The following RUNDC3B variants were observed in gnomAD, a reference collection of about 807,000 sequenced individuals.
RUNDC3B encodes RUN domain-containing protein 3B.
Under a neutral mutation model 58.4 loss-of-function variants are expected in RUNDC3B, and 33 were observed. The ratio of observed to expected loss-of-function variants is 0.56; its 90% CI spans 0.43 to 0.75. RUNDC3B has a LOEUF of 0.75. Among genes scored for constraint, RUNDC3B ranks in the 30% least tolerant of loss-of-function variants. The pLI, the probability that RUNDC3B is intolerant of heterozygous loss-of-function variation, is 0.00. For missense variants in RUNDC3B, 501 were observed against 535.7 expected (o/e 0.94, Z 0.64); for synonymous variants, 193 against 195.2 (o/e 0.99, Z 0.10).
chr7:87,727,941 AAAG>A (rs1831339984), intron 4 of RUNDC3B, among the ~76,000 whole-genome samples: 1 of 152,280 alleles, frequency 6.6e-6, no homozygotes, highest in African/African-American at 2.4e-5. Context: ...TTTTTATATA[AAAG>A]AAGAGGAAAT....
intron 2 of RUNDC3B, among the ~76,000 whole-genome samples, chr7:87,677,566 A>G (rs1585075750): frequency 1.3e-5 from 2 of 152,160 alleles, no homozygotes; most frequent in Non-Finnish European, 2.9e-5. Context: ...ACAAGCCTTC[A>G]GTTATAAGAT....
chr7:87,659,124 T>C (rs1390377006), intron 2 of RUNDC3B: 5 of 324,320 alleles, frequency 1.5e-5, no homozygotes, highest in Non-Finnish European at 2.4e-5. Flanking sequence ...ATCATGCCAC[T>C]GCAATCTAGC....
At chr7:87,656,255 A>C (rs1372266620) in intron 2 of RUNDC3B, among the ~76,000 whole-genome samples, 3 of 152,142 alleles carry the variant, frequency 2.0e-5, no homozygotes, top group African/African-American at 7.2e-5. Flanking sequence ...TGTCAATTTA[A>C]AAATTTTTAA....
At chr7:87,634,587 A>G (rs1284851638) in intron 1 of RUNDC3B, among the ~76,000 whole-genome samples, 1 of 151,412 alleles carries the variant, frequency 6.6e-6, no homozygotes, top group African/African-American at 2.4e-5. Flanking sequence ...GAGATTCACT[A>G]CTTCACCCCA....
At chr7:87,634,497 G>A (rs560444146) in intron 1 of RUNDC3B, among the ~76,000 whole-genome samples, 10 of 130,560 alleles carry the variant, frequency 7.7e-5, no homozygotes, top group African/African-American at 1.7e-4. Flanking sequence ...TGGGGGGTGG[G>A]GGGGGGGGCA....
chr7:87,709,241 T>C (rs1039440598), intron 3 of RUNDC3B: 59 of 984,486 alleles, frequency 6.0e-5, no homozygotes, highest in Non-Finnish European at 2.7e-5. Flanking sequence ...AGTAACAGCA[T>C]AGTCTCCTGT....
chr7:87,686,336 A>C (rs1474615707), intron 2 of RUNDC3B, among the ~76,000 whole-genome samples: 4 of 152,228 alleles, frequency 2.6e-5, no homozygotes, highest in Non-Finnish European at 5.9e-5. Context: ...AATGTCATCA[A>C]GTCATAATAG....
intron 6 of RUNDC3B, among the ~76,000 whole-genome samples, chr7:87,759,775 CAG>C (rs1207893994): frequency 1.3e-5 from 2 of 148,890 alleles, no homozygotes; most frequent in African/African-American, 2.5e-5. Flanking sequence ...GCCTGGGAAA[CAG>C]AGTGAGATCC....
intron 1 of RUNDC3B, among the ~76,000 whole-genome samples, chr7:87,638,668 T>G (rs1484117592): frequency 3.9e-5 from 6 of 152,086 alleles, no homozygotes; most frequent in Non-Finnish European, 8.8e-5. Context: ...TTTTATTGTT[T>G]GAAAGATCTG....
intron 1 of RUNDC3B, among the ~76,000 whole-genome samples, chr7:87,641,227 G>T (rs1822421586): frequency 6.6e-6 from 1 of 152,138 alleles, no homozygotes; most frequent in Non-Finnish European, 1.5e-5. Flanking sequence ...AGTAGAAATA[G>T]ACCACAGTGG....
intron 1 of RUNDC3B, among the ~76,000 whole-genome samples, chr7:87,641,872 G>A (rs1359546367): frequency 6.6e-6 from 1 of 152,000 alleles, no homozygotes. Flanking sequence ...ATTAGATTTT[G>A]TGATTTTTAA....
intron 2 of RUNDC3B, among the ~76,000 whole-genome samples, chr7:87,654,345 T>C (rs975389284): frequency 1.3e-5 from 2 of 151,898 alleles, no homozygotes; most frequent in Non-Finnish European, 2.9e-5. Context: ...TGCAAAGCTA[T>C]ATTAGTTAAA....
At chr7:87,812,996 G>GA (rs1427975401) in intron 9 of RUNDC3B, among the ~76,000 whole-genome samples, 1 of 152,144 alleles carries the variant, frequency 6.6e-6, no homozygotes, top group Non-Finnish European at 1.5e-5. Flanking sequence ...AGCCATTACT[G>GA]AAACAACTGA....
rs1584168459 is a variant in RUNDC3B at position 87,773,134 on chromosome 7, T to A, written c.798+2385T>A. ...GTCAGGAGTTGGAGACCATCCTGGA[T>A]AACACAGTGAAACTCTGTCTCTACT... On this transcript the variant is annotated intron_variant, in intron 7 of 10. Transcript: ENST00000394654. Among the ~76,000 whole-genome samples, 5 of 151,984 alleles carry A rather than the reference T, an allele frequency of 3.3e-5. No individual in the cohort carries two copies. In the South Asian group the frequency reaches 1.0e-3, roughly 31 times the overall value.
At chr7:87,747,974 C>T (rs545583995) in intron 6 of RUNDC3B, among the ~76,000 whole-genome samples, 133 of 152,270 alleles carry the variant, frequency 8.7e-4, no homozygotes, top group South Asian at 1.7e-3. Flanking sequence ...TGGATTTGCG[C>T]TCTTCCCCGA....
intron 8 of RUNDC3B, among the ~76,000 whole-genome samples, chr7:87,795,781 C>T (rs1584230820): frequency 6.6e-6 from 1 of 151,456 alleles, no homozygotes; most frequent in Non-Finnish European, 1.5e-5. Flanking sequence ...CCCAGCTACT[C>T]GGGAGGCTGA....
intron 10 of RUNDC3B, among the ~76,000 whole-genome samples, chr7:87,823,821 C>CATAT (rs1198440790): frequency 6.6e-6 from 1 of 150,910 alleles, no homozygotes; most frequent in African/African-American, 2.4e-5. Flanking sequence ...CACACACACA[C>CATAT]ACATATATAT....
intron 10 of RUNDC3B, among the ~76,000 whole-genome samples, chr7:87,825,568 C>G (rs1300625113): frequency 6.6e-6 from 1 of 152,206 alleles, no homozygotes; most frequent in East Asian, 1.9e-4. Flanking sequence ...TGGGGCACCA[C>G]CTAGTGGAGC....
chr7:87,732,841 A>C (rs1259445486), intron 4 of RUNDC3B, among the ~76,000 whole-genome samples: 1 of 152,240 alleles, frequency 6.6e-6, no homozygotes, highest in African/African-American at 2.4e-5. Flanking sequence ...TGTATGGAGA[A>C]GTACAGTATA....
Sources: allele counts gnomAD v4.1 joint callset (sites outside exome capture counted in the v4.1 genomes callset), GRCh38; gene constraint gnomAD v4.1.1; transcripts MANE v1.5; gene names NCBI Gene and HGNC (gene_info 2026-07-23, HGNC 2026-07-21).